Variants in ADARB1 observed in about 807,000 individuals in gnomAD.
ADARB1 encodes the protein double-stranded RNA-specific editase 1.
Under a neutral mutation model 52.4 loss-of-function variants are expected in ADARB1, and 10 were observed. The ratio of observed to expected loss-of-function variants is 0.19; its 90% confidence interval spans 0.12 to 0.32. ADARB1 has a LOEUF of 0.32. ADARB1 is among the 10% of genes least tolerant of loss of function. The pLI is 1.00. For missense variants in ADARB1, 643 were observed against 922.3 expected (o/e 0.70, Z 3.92); for synonymous variants, 349 against 371.1 (o/e 0.94, Z 0.68).
In ADARB1 at chr21:45,221,777, C is replaced by T. The variant is rs73907280; in HGVS notation, c.1927-241C>T. On this transcript the variant is annotated intron_variant, in intron 10 of 10. Coordinates refer to ENST00000348831, the MANE Select transcript of ADARB1 (RefSeq NM_001112.4). The surrounding 1 kb of genome is among the most constrained non-coding windows in gnomAD (Gnocchi z 4.9). Reference sequence around the variant, plus strand: ...TTCCCAGAAGCATGTCTTCAGAACTCGGGGGTCTGTAGCTGCCTGTTTGAC... The same window carrying T: ...TTCCCAGAAGCATGTCTTCAGAACTTGGGGGTCTGTAGCTGCCTGTTTGAC... Among the ~76,000 whole-genome samples, 2,368 of 152,268 alleles carry T rather than the reference C, an allele frequency of 0.016. 57 individuals are homozygous for T. The highest frequency in any genetic ancestry group is 0.053 in the African/African-American group (2,192 of 41,540).
chr21:45,160,622 T>TA (rs1283747129), intron 2 of ADARB1, among the ~76,000 whole-genome samples: 1 of 152,290 alleles, frequency 6.6e-6, no homozygotes, highest in Non-Finnish European at 1.5e-5. Flanking sequence ...AGATTTTATG[T>TA]GTCTGGAATT....
Position 45,150,289 on chromosome 21 carries a change from C to G in ADARB1, c.-47-21321C>G, listed in dbSNP as rs760531729. Among the ~76,000 whole-genome samples, 110 of 152,148 alleles carry G rather than the reference C, an allele frequency of 7.2e-4. No individual in the cohort carries two copies. In the Middle Eastern group the frequency reaches 0.014, roughly 19 times the overall value. On this transcript the variant is annotated intron_variant, in intron 2 of 10. Transcript: ENST00000348831. ...ACTCTGTCTCAGACAAACAAACAAA[C>G]AAAAATGTCATTGAATTTGAAGTAT...
chr21:45,204,066 G>A lies in ADARB1; in HGVS notation c.1566-489G>A, dbSNP rs1208082238. On this transcript the variant is annotated intron_variant, in intron 8 of 10. Coordinates refer to ENST00000348831, the MANE Select transcript of ADARB1 (RefSeq NM_001112.4). This position sits in a 1 kb window ranked among gnomAD's most constrained non-coding sequence, Gnocchi z 4.4. ...CTAATGGGCCAGCGGCATCTGCAAC[G>A]TGGATGGTTCACATCCCGGGCTGGA... is the stretch of plus-strand genomic sequence containing the variant. Among the ~76,000 whole-genome samples, 2 of 152,180 alleles carry A rather than the reference G, an allele frequency of 1.3e-5. No homozygotes were observed. Among genetic ancestry groups the A allele is most frequent in the African/African-American group, 4.8e-5 (2 of 41,444 alleles).
rs2091669514 is a variant in ADARB1, at chr21:45,175,795, A to C, written c.94A>C (p.Thr32Pro). The C allele has an allele frequency of 6.2e-7, 1 of 1,614,202 alleles. No individual in the cohort carries two copies. Among genetic ancestry groups the C allele is most frequent in the African/African-American group, 1.3e-5 (1 of 75,054 alleles). ...LDNVSPKDGS[T>P]PGPGEGSQLS... ...CAACGTGTCCCCCAAGGATGGCAGC[A>C]CACCTGGGCCTGGCGAGGGCTCTCA... Residue 32 changes from threonine to proline, a missense_variant, in exon 4 of 11, where the codon ACA (threonine) becomes CCA (proline). Physicochemically the swap from Thr to Pro is conservative, Grantham distance 38 (BLOSUM62 -1). This residue lies in a region of ADARB1 where 380 missense variants were observed against 446.5 expected (regional missense o/e 0.85). Transcript: ENST00000348831.
chr21:45,132,291 G>A (rs952814137), intron 2 of ADARB1: 1 of 152,234 alleles, frequency 6.6e-6, no homozygotes, highest in Admixed American at 6.5e-5. Flanking sequence ...TCGGCAGTGG[G>A]AGAGCAGCTG....
At chr21:45,133,268 C>A (rs1010993246) in intron 2 of ADARB1, among the ~76,000 whole-genome samples, 1 of 152,260 alleles carries the variant, frequency 6.6e-6, no homozygotes, top group African/African-American at 2.4e-5. Flanking sequence ...AGCTCAGTTC[C>A]TTGTGACCAT....
intron 1 of ADARB1, among the ~76,000 whole-genome samples, chr21:45,080,121 G>A (rs1036453033): frequency 8.5e-5 from 13 of 152,302 alleles, no homozygotes; most frequent in African/African-American, 2.9e-4. Flanking sequence ...GACCTTGATA[G>A]GTTTGGAGTG....
Position 45,171,698 on chromosome 21 carries a change from C to T in ADARB1, c.28+14C>T, listed in dbSNP as rs761822075. ...AAGAAAACATGAGTAAGATCTAGGC[C>T]TATCACGTAGTATCAGATAGCTAAT... On this transcript the variant is annotated intron_variant, in intron 3 of 10. Transcript: ENST00000348831. 6.2e-7 allele frequency: 1 copy of T among 1,603,336 alleles called. No individual in the cohort carries two copies. The highest frequency in any genetic ancestry group is 2.2e-5 in the East Asian group (1 of 44,740).
intron 1 of ADARB1, among the ~76,000 whole-genome samples, chr21:45,080,917 AAC>A (rs891833585): frequency 1.3e-5 from 2 of 152,242 alleles, no homozygotes; most frequent in Non-Finnish European, 2.9e-5. Context: ...CATTCAGTGA[AAC>A]ACAGTTGCCT....
chr21:45,212,240 A>G (rs948113272), intron 9 of ADARB1, among the ~76,000 whole-genome samples: 3 of 152,164 alleles, frequency 2.0e-5, no homozygotes, highest in African/African-American at 7.2e-5. Flanking sequence ...CAGCAGTTTA[A>G]ATGGACACCC....
chr21:45,141,974 C>T (rs886717375), intron 2 of ADARB1, among the ~76,000 whole-genome samples: 10 of 151,610 alleles, frequency 6.6e-5, no homozygotes, highest in Admixed American at 1.3e-4. Context: ...CTTACCCACC[C>T]TTTCACCTTA....
chr21:45,102,356 CTGT>C (rs1048959078), intron 1 of ADARB1, among the ~76,000 whole-genome samples: 8 of 152,310 alleles, frequency 5.3e-5, no homozygotes, highest in Non-Finnish European at 8.8e-5. Flanking sequence ...ATTTGGGGTG[CTGT>C]TGTCAGAAAG....
chr21:45,106,102 G>A (rs557819660), intron 1 of ADARB1, among the ~76,000 whole-genome samples: 1 of 151,276 alleles, frequency 6.6e-6, no homozygotes, highest in South Asian at 2.1e-4. Flanking sequence ...GTTCTTAGCT[G>A]TTTGCTTTGT....
chr21:45,212,614 A>G (rs1342631977), intron 9 of ADARB1, among the ~76,000 whole-genome samples: 2 of 152,116 alleles, frequency 1.3e-5, no homozygotes, highest in African/African-American at 2.4e-5. Context: ...CACCCCGACA[A>G]CCAGGGAAGG....
chr21:45,083,836 G>A (rs1398733052), intron 1 of ADARB1, among the ~76,000 whole-genome samples: 64 of 152,102 alleles, frequency 4.2e-4, no homozygotes, highest in Non-Finnish European at 1.5e-5. Flanking sequence ...AGGTAGCTGG[G>A]GCTACAGGTG....
intron 2 of ADARB1, among the ~76,000 whole-genome samples, chr21:45,156,976 T>C (rs2090690692): frequency 6.6e-6 from 1 of 152,194 alleles, no homozygotes; most frequent in South Asian, 2.1e-4. Context: ...TCTAGCAGTG[T>C]CTGCCAGGAG....
At chr21:45,219,399 C>T (rs1246201274) in intron 9 of ADARB1, among the ~76,000 whole-genome samples, 1 of 152,182 alleles carries the variant, frequency 6.6e-6, no homozygotes, top group African/African-American at 2.4e-5. Context: ...TGGCACGCGC[C>T]TGTAGTCCCA....
intron 1 of ADARB1, among the ~76,000 whole-genome samples, chr21:45,120,135 C>T (rs747626286): frequency 2.0e-5 from 3 of 152,140 alleles, no homozygotes; most frequent in South Asian, 4.1e-4. Flanking sequence ...TGGACTAGCC[C>T]TTAGTTGCAC....
At chr21:45,109,296 ATGTG>A (rs750823404) in intron 1 of ADARB1, among the ~76,000 whole-genome samples, 6 of 141,098 alleles carry the variant, frequency 4.3e-5, no homozygotes, top group Middle Eastern at 4.1e-3. Context: ...TTGTGCATAT[ATGTG>A]TGTGCACGTG....
Sources: allele counts gnomAD v4.1 joint callset (sites outside exome capture counted in the v4.1 genomes callset), GRCh38; gene constraint gnomAD v4.1.1; regional missense constraint gnomAD v4.1.1; non-coding constraint Gnocchi (gnomAD v3.1); transcripts MANE v1.5; gene names NCBI Gene and HGNC (gene_info 2026-07-23, HGNC 2026-07-21).